The following EYS variants were observed in gnomAD, a reference collection of about 807,000 sequenced individuals.
EYS encodes the protein EGF-like photoreceptor maintenance factor, also known as protein eyes shut homolog.
EYS carries 250 observed loss-of-function variants against 282.1 expected under a neutral mutation model. That is an observed-to-expected ratio of 0.89 (90% confidence interval 0.80 to 0.98). The LOEUF (loss-of-function observed/expected upper bound fraction) is 0.98. Among genes scored for constraint, EYS ranks in the 50% least tolerant of loss-of-function variants. EYS has a pLI of 0.00. For synonymous variants in EYS, 1,355 were observed against 1,282.9 expected, an observed-to-expected ratio of 1.06 and a Z score of -1.20; for missense variants, 4,016 against 3,709.0, an observed-to-expected ratio of 1.08 and a Z score of -2.15.
intron 19 of EYS, among the ~76,000 whole-genome samples, chr6:64,867,867 T>TTCAA: frequency 6.6e-6 from 1 of 151,736 alleles, no homozygotes; most frequent in East Asian, 1.9e-4. Context: ...GTCTTTTATC[T>TTCAA]TCAATCAACA....
In EYS at chr6:64,885,165, C is replaced by A. The variant is rs575543432; in HGVS notation, c.2992+1532G>T. On this transcript the variant is annotated intron_variant, in intron 19 of 42. Coordinates refer to ENST00000503581, the MANE Select transcript of EYS (RefSeq NM_001142800.2). ...TTCTTATTATGTAAGAAAAAATGAA[C>A]CCTATCTATTAAGGATAACAATTAA... Among the ~76,000 whole-genome samples, 71 of 151,722 alleles carry A rather than the reference C, an allele frequency of 4.7e-4. 1 individual carries two copies. Among genetic ancestry groups the A allele is most frequent in the African/African-American group, 1.6e-3 (68 of 41,502 alleles).
intron 33 of EYS, among the ~76,000 whole-genome samples, chr6:64,025,130 C>T (rs1007989038): frequency 5.9e-5 from 9 of 152,126 alleles, no homozygotes. Flanking sequence ...AATAACCGGG[C>T]ACCTGTCAGC....
chr6:64,788,076 G>T (rs1202765945), intron 22 of EYS, among the ~76,000 whole-genome samples: 1 of 151,832 alleles, frequency 6.6e-6, no homozygotes, highest in Admixed American at 6.6e-5. Context: ...GGGGTTGTTT[G>T]TTTGTTTTAA....
chr6:64,161,974 G>T (rs1775120277), intron 31 of EYS, among the ~76,000 whole-genome samples: 1 of 151,982 alleles, frequency 6.6e-6, no homozygotes, highest in Non-Finnish European at 1.5e-5. Flanking sequence ...AATATATTTT[G>T]GTTTGTGGGA....
At chr6:64,378,971 A>C (rs1306147400) in intron 29 of EYS, among the ~76,000 whole-genome samples, 1 of 152,194 alleles carries the variant, frequency 6.6e-6, no homozygotes, top group Non-Finnish European at 1.5e-5. Context: ...GATACTGTTC[A>C]GTTTCTGTCT....
Position 64,028,328 on chromosome 6 carries a change from A to C in EYS, c.6726-29145T>G, listed in dbSNP as rs531116170. ...TAAGGCCTGAAGCTCATAAAGGATT[A>C]CAGAATATTGTTAAACATTTGAAAG... On this transcript the variant is annotated intron_variant, in intron 33 of 42. Coordinates refer to ENST00000503581, the MANE Select transcript of EYS (RefSeq NM_001142800.2). Among the ~76,000 whole-genome samples the C allele has an allele frequency of 5.3e-5, 8 of 152,368 alleles. No individual in the cohort carries two copies. In the South Asian group the frequency reaches 1.5e-3, roughly 28 times the overall value.
intron 22 of EYS, among the ~76,000 whole-genome samples, chr6:64,688,861 A>G (rs540758580): frequency 6.6e-6 from 1 of 152,166 alleles, no homozygotes; most frequent in Non-Finnish European, 1.5e-5. Flanking sequence ...CACAGCCAAT[A>G]TCATACTGAA....
intron 26 of EYS, among the ~76,000 whole-genome samples, chr6:64,543,868 G>A (rs1175004432): frequency 6.6e-6 from 1 of 152,154 alleles, no homozygotes; most frequent in African/African-American, 2.4e-5. Flanking sequence ...GAGGCTAAGA[G>A]ATCTTAAGGT....
In EYS at chr6:64,276,243, C is replaced by T. The variant is rs76231725; in HGVS notation, c.6191+30727G>A. Among the ~76,000 whole-genome samples the T allele has an allele frequency of 6.8e-4, 104 of 152,254 alleles. 1 individual carries two copies. In the East Asian group the frequency reaches 0.016, roughly 24 times the overall value. On this transcript the variant is annotated intron_variant, in intron 30 of 42. Coordinates refer to ENST00000503581, the MANE Select transcript of EYS (RefSeq NM_001142800.2). ...TTTCTAGAAATAACTAAGCACTCAA[C>T]CAATATAATTTTGTACCCTTGAAAG...
intron 2 of EYS, among the ~76,000 whole-genome samples, chr6:65,604,430 C>T (rs1185614943): frequency 2.0e-5 from 3 of 151,808 alleles, no homozygotes; most frequent in Non-Finnish European, 2.9e-5. Context: ...TAAAAATTCA[C>T]ATGGAAACAC....
At chr6:64,456,038 TTGA>T in intron 26 of EYS, among the ~76,000 whole-genome samples, 1 of 152,268 alleles carries the variant, frequency 6.6e-6, no homozygotes, top group East Asian at 1.9e-4. Flanking sequence ...TGCATCTATG[TTGA>T]TGATTGACAT....
At chr6:64,698,714 G>C (rs567214954) in intron 22 of EYS, among the ~76,000 whole-genome samples, 3 of 152,046 alleles carry the variant, frequency 2.0e-5, no homozygotes, top group African/African-American at 4.8e-5. Context: ...TGGCAAACAA[G>C]CATATAAAAA....
intron 22 of EYS, among the ~76,000 whole-genome samples, chr6:64,702,745 T>C (rs971739426): frequency 1.3e-5 from 2 of 152,176 alleles, no homozygotes; most frequent in Non-Finnish European, 2.9e-5. Context: ...TATGGAACAC[T>C]TAATGCTATA....
At chr6:64,295,876 TAAA>T in intron 30 of EYS, among the ~76,000 whole-genome samples, 1 of 152,254 alleles carries the variant, frequency 6.6e-6, no homozygotes, top group Middle Eastern at 3.4e-3. Context: ...ATACAATACT[TAAA>T]AACTTTTCTG....
intron 34 of EYS, among the ~76,000 whole-genome samples, chr6:63,987,742 G>T (rs553347938): frequency 6.6e-6 from 1 of 151,562 alleles, no homozygotes; most frequent in Non-Finnish European, 1.5e-5. Flanking sequence ...ATGGAATACT[G>T]TCATTGCCAG....
intron 15 of EYS, among the ~76,000 whole-genome samples, chr6:64,932,781 A>T (rs1033364101): frequency 2.6e-5 from 4 of 152,044 alleles, no homozygotes; most frequent in Non-Finnish European, 4.4e-5. Flanking sequence ...CAAAAATCTA[A>T]GAAAAATCTC....
intron 22 of EYS, among the ~76,000 whole-genome samples, chr6:64,693,020 A>T (rs1770448082): frequency 4.1e-5 from 4 of 97,208 alleles, no homozygotes; most frequent in East Asian, 3.1e-4. Context: ...GAATTTTAGA[A>T]TTTTTTTTTT....
At chr6:64,096,352 A>G (rs1562198731) in intron 31 of EYS, among the ~76,000 whole-genome samples, 1 of 152,176 alleles carries the variant, frequency 6.6e-6, no homozygotes, top group African/African-American at 2.4e-5. Flanking sequence ...GTGTTTTCCA[A>G]CTTGGTTCCA....
intron 26 of EYS, among the ~76,000 whole-genome samples, chr6:64,508,524 C>T (rs1777282407): frequency 6.7e-6 from 1 of 150,114 alleles, no homozygotes; most frequent in African/African-American, 2.4e-5. Context: ...ATCCGCATGC[C>T]TGGCATGAGT....
Sources: allele counts gnomAD v4.1 joint callset (sites outside exome capture counted in the v4.1 genomes callset), GRCh38; gene constraint gnomAD v4.1.1; transcripts MANE v1.5; gene names NCBI Gene and HGNC (gene_info 2026-07-23, HGNC 2026-07-21).